TEK: variants seen among roughly 807,000 people sequenced by gnomAD.
TEK encodes the protein angiopoietin-1 receptor.
Under a neutral mutation model 131.8 loss-of-function variants are expected in TEK, and 43 were observed. The observed-to-expected ratio is 0.33, with a 90% CI of 0.26 to 0.42. The LOEUF (loss-of-function observed/expected upper bound fraction) is 0.42, where lower values mean the gene tolerates loss of function less well. Among genes scored for constraint, TEK ranks in the 10% least tolerant of loss-of-function variants. The probability of loss-of-function intolerance (pLI) is 1.00; values close to 1 mark genes in which losing one functional copy is unlikely to be tolerated. For synonymous variants in TEK, 580 were observed against 491.6 expected, an observed-to-expected ratio of 1.18 and a Z score of -2.38; for missense variants, 1,162 against 1,384.4, an observed-to-expected ratio of 0.84 and a Z score of 2.55.
At chr9:27,151,185 T>C (rs1266700356) in intron 1 of TEK, among the ~76,000 whole-genome samples, 1 of 152,182 alleles carries the variant, frequency 6.6e-6, no homozygotes, top group African/African-American at 2.4e-5. Context: ...GAAGAAGTTA[T>C]TGCTCAGAGA....
At position 27,217,747 on chromosome 9, in the gene TEK, C is replaced by T; in HGVS notation, c.3051C>T (p.Thr1017=). The part of the protein sequence containing the change: ...IESLNYSVYT[T]NSDVWSYGVL... The stretch of plus-strand genomic sequence containing the variant: ...CACTGAATTACAGTGTGTACACAAC[C>T]AACAGTGATGTGTGAGTAAACTTCT... The change falls in exon 19 of 23, where the codon ACC becomes ACT. Residue 1017 remains threonine (T), a synonymous_variant. Coordinates refer to ENST00000380036, the MANE Select transcript of TEK (RefSeq NM_000459.5). 1 of 1,613,252 alleles carries T rather than the reference C, an allele frequency of 6.2e-7. No homozygotes were observed. The highest frequency in any genetic ancestry group is 8.5e-7 in the Non-Finnish European group (1 of 1,179,630).
intron 8 of TEK, 135 bp downstream of exon 8, chr9:27,183,745 C>T: frequency 8.1e-7 from 1 of 1,232,678 alleles, no homozygotes; most frequent in Non-Finnish European, 1.2e-6. Flanking sequence ...ATAAAATGCC[C>T]TATTCCTGGA....
rs12684100 is a variant in TEK at position 27,165,562 on chromosome 9, T to C, written c.365-2933T>C. ...GTCAGCACAGCAGTGTTGCTGTTTA[T>C]ATTAGAAGGATACCGACCTCTTCTA... On this transcript the variant is annotated intron_variant, in intron 2 of 22. Transcript: ENST00000380036. Among the ~76,000 whole-genome samples, 189 of 152,320 alleles carry C rather than the reference T, an allele frequency of 1.2e-3. 2 individuals are homozygous for C. In the East Asian group the frequency reaches 0.015, roughly 12 times the overall value.
chr9:27,222,499 GACTAAC>G (rs1564110288), intron 21 of TEK, among the ~76,000 whole-genome samples: 10 of 152,196 alleles, frequency 6.6e-5, no homozygotes, highest in African/African-American at 2.4e-4. Flanking sequence ...AAGCCAAACA[GACTAAC>G]AGTAGACCTC....
At chr9:27,220,873 C>G (rs772180906) in intron 21 of TEK, among the ~76,000 whole-genome samples, 4 of 152,222 alleles carry the variant, frequency 2.6e-5, no homozygotes, top group Non-Finnish European at 4.4e-5. Context: ...AGACACCAAG[C>G]TAGCTGCAGG....
intron 11 of TEK, among the ~76,000 whole-genome samples, chr9:27,194,579 C>T (rs544014914): frequency 6.6e-6 from 1 of 152,306 alleles, no homozygotes; most frequent in East Asian, 1.9e-4. Context: ...TCTCTCAAGT[C>T]ACTGTTGGTG....
intron 1 of TEK, among the ~76,000 whole-genome samples, chr9:27,146,718 C>CTTT (rs1423361120): frequency 0.012 from 1,612 of 129,138 alleles, 47 homozygotes; most frequent in African/African-American, 0.045. Flanking sequence ...TATAAACATT[C>CTTT]TATTTTTTTT....
chr9:27,169,451 G>C, intron 3 of TEK, 26 bp from the exon 4 acceptor site: 3 of 1,613,356 alleles, frequency 1.9e-6, no homozygotes, highest in Non-Finnish European at 2.5e-6. Flanking sequence ...TGTGACCTAC[G>C]GTTCTTCACT....
chr9:27,209,203 C>T lies in TEK; in HGVS notation c.2658C>T (p.Ile886=). Residue 886 remains isoleucine, a synonymous_variant, in exon 16 of 23, where the codon ATC becomes ATT. Transcript: ENST00000380036. ...LCKLGHHPNI[I]NLLGACEHRG... The stretch of plus-strand genomic sequence containing the variant: ...AACTTGGACACCATCCAAACATCAT[C>T]AATCTCTTAGGAGCATGTGAACATC... 1 of 1,613,842 alleles carries T rather than the reference C, an allele frequency of 6.2e-7. No individual in the cohort carries two copies. The highest frequency in any genetic ancestry group is 8.5e-7 in the Non-Finnish European group (1 of 1,179,728).
chr9:27,152,597 C>CCA (rs1564062855), intron 1 of TEK, among the ~76,000 whole-genome samples: 1 of 136,692 alleles, frequency 7.3e-6, no homozygotes, highest in Non-Finnish European at 1.6e-5. Flanking sequence ...GAAGCCCCCC[C>CCA]GCCGCAAAAA....
intron 1 of TEK, among the ~76,000 whole-genome samples, chr9:27,134,633 T>C (rs770027362): frequency 6.6e-6 from 1 of 152,192 alleles, no homozygotes; most frequent in Non-Finnish European, 1.5e-5. Flanking sequence ...TAGACTTCAG[T>C]TCCTAGAGTA....
chr9:27,205,859 G>A (rs1025155906), intron 14 of TEK, among the ~76,000 whole-genome samples: 7 of 152,136 alleles, frequency 4.6e-5, no homozygotes, highest in South Asian at 2.1e-4. Context: ...ATGAGTCCCC[G>A]AGTTTCCCTT....
At chr9:27,214,501 G>C (rs1161928355) in intron 18 of TEK, among the ~76,000 whole-genome samples, 1 of 152,146 alleles carries the variant, frequency 6.6e-6, no homozygotes, top group Non-Finnish European at 1.5e-5. Flanking sequence ...TTGTCTCTTA[G>C]CAAGGCTCAG....
intron 1 of TEK, among the ~76,000 whole-genome samples, chr9:27,124,512 A>C (rs1821914889): frequency 6.6e-6 from 1 of 152,250 alleles, no homozygotes; most frequent in South Asian, 2.1e-4. Context: ...CAGAACTAGC[A>C]TGTTGTCACA....
intron 3 of TEK, among the ~76,000 whole-genome samples, chr9:27,168,993 C>A (rs1823847865): frequency 6.6e-6 from 1 of 152,150 alleles, no homozygotes; most frequent in Admixed American, 6.5e-5. Context: ...ACTGTGTAAT[C>A]CAAATGTGTC....
chr9:27,192,031 C>T (rs1406745598), intron 10 of TEK: 2 of 444,116 alleles, frequency 4.5e-6, no homozygotes, highest in African/African-American at 4.1e-5. Flanking sequence ...CAGAATGCTT[C>T]ATTGTAATAG....
intron 18 of TEK, among the ~76,000 whole-genome samples, 172 bp from the exon 19 acceptor site, chr9:27,217,516 T>C (rs1276818767): frequency 5.1e-5 from 2 of 39,378 alleles, no homozygotes; most frequent in Non-Finnish European, 8.8e-5. Flanking sequence ...ATAGGACTTA[T>C]ACTGTTTGTT....
intron 21 of TEK, 150 bp from the exon 22 acceptor site, chr9:27,228,056 G>A (rs1291925409): frequency 1.7e-6 from 1 of 584,782 alleles, no homozygotes; most frequent in Non-Finnish European, 3.1e-6. Context: ...TAGGGAGGTG[G>A]GAGTCCTCAT....
chr9:27,116,003 A>G (rs1379466218), intron 1 of TEK, among the ~76,000 whole-genome samples: 1 of 152,170 alleles, frequency 6.6e-6, no homozygotes, highest in Non-Finnish European at 1.5e-5. Context: ...AGTTTTCAGG[A>G]TGGATTAACA....
Sources: allele counts gnomAD v4.1 joint callset (sites outside exome capture counted in the v4.1 genomes callset), GRCh38; gene constraint gnomAD v4.1.1; transcripts MANE v1.5; gene names NCBI Gene and HGNC (gene_info 2026-07-23, HGNC 2026-07-21).